Variants in BOC observed in about 807,000 individuals in gnomAD.
BOC encodes the protein brother of CDO.
BOC carries 76 observed loss-of-function variants against 112.0 expected under a neutral mutation model. That is an observed-to-expected ratio of 0.68 (90% confidence interval 0.56 to 0.82). The LOEUF is 0.82. BOC is among the 40% of genes least tolerant of loss of function. The probability of loss-of-function intolerance (pLI) is 0.00; values close to 1 mark genes in which losing one functional copy is unlikely to be tolerated. For missense variants in BOC, 1,309 were observed against 1,511.7 expected (o/e 0.87, Z 2.22); for synonymous variants, 580 against 599.8 (o/e 0.97, Z 0.48).
At chr3:113,248,988 C>T (rs983855612) in intron 2 of BOC, among the ~76,000 whole-genome samples, 5 of 151,980 alleles carry the variant, frequency 3.3e-5, no homozygotes, top group African/African-American at 1.2e-4. Flanking sequence ...GTGAGTGAAG[C>T]GAAAACAAGG....
chr3:113,267,050 T>A (rs1481860938), intron 4 of BOC, among the ~76,000 whole-genome samples: 2 of 152,204 alleles, frequency 1.3e-5, no homozygotes, highest in African/African-American at 4.8e-5. Context: ...GAAATTGCAG[T>A]CAGTCCCAAT....
chr3:113,285,584 G>C lies in BOC; in HGVS notation c.3160+19G>C, dbSNP rs771284621. 1.9e-6 allele frequency: 3 copies of C among 1,547,726 alleles called. No individual in the cohort carries two copies. The highest frequency in any genetic ancestry group is 2.6e-6 in the Non-Finnish European group (3 of 1,146,446). ...CACTCAGGTTGGTTCCAGGAGCAGG[G>C]CAGGGAAATTAAACAGGCTGGGGGT... is the stretch of plus-strand genomic sequence containing the variant. On this transcript the variant is annotated intron_variant, in intron 19 of 19. Transcript: ENST00000682979.
At chr3:113,234,037 G>A (rs1409414512) in intron 2 of BOC, among the ~76,000 whole-genome samples, 2 of 152,216 alleles carry the variant, frequency 1.3e-5, no homozygotes, top group African/African-American at 4.8e-5. Context: ...GACCTTAGAG[G>A]TAGGAGGTCT....
At chr3:113,222,375 G>T (rs1940859959) in intron 2 of BOC, among the ~76,000 whole-genome samples, 1 of 152,086 alleles carries the variant, frequency 6.6e-6, no homozygotes, top group Non-Finnish European at 1.5e-5. Flanking sequence ...ATTACATATA[G>T]ATTTATGTAA....
chr3:113,232,201 G>T (rs556053737), intron 2 of BOC, among the ~76,000 whole-genome samples: 1 of 152,278 alleles, frequency 6.6e-6, no homozygotes, highest in South Asian at 2.1e-4. Flanking sequence ...AAGGCTCCAT[G>T]TGTTTGTTTT....
At position 113,241,706 on chromosome 3, in the gene BOC, G is replaced by A. The variant is rs567333219; in HGVS notation, c.-81-8016G>A. Among the ~76,000 whole-genome samples the A allele has an allele frequency of 3.9e-5, 6 of 152,336 alleles. No individual in the cohort carries two copies. In the South Asian group the frequency reaches 1.2e-3, roughly 32 times the overall value. ...TATGGACTCTATTAAGCTCCGTTCT[G>A]CCTGTTAGTGTTTCCCGGGGCAACA... is the stretch of plus-strand genomic sequence containing the variant. On this transcript the variant is annotated intron_variant, in intron 2 of 19. Transcript: ENST00000682979.
At chr3:113,213,006 C>T (rs909789895) in intron 1 of BOC, among the ~76,000 whole-genome samples, 1 of 152,078 alleles carries the variant, frequency 6.6e-6, no homozygotes, top group Non-Finnish European at 1.5e-5. Flanking sequence ...AATGGAGCCT[C>T]GGGGATTTGT....
intron 16 of BOC, 49 bp downstream of exon 16, chr3:113,283,681 G>A: frequency 1.3e-6 from 2 of 1,546,592 alleles, no homozygotes; most frequent in South Asian, 2.3e-5. Flanking sequence ...GGAAATGGGG[G>A]CTCCACTAAG....
At chr3:113,271,220 G>T (rs1228317277) in intron 6 of BOC, 2 of 615,286 alleles carry the variant, frequency 3.3e-6, no homozygotes, top group South Asian at 3.0e-5. Flanking sequence ...TTGCGATTGG[G>T]ATGGGTCAGA....
At chr3:113,276,869 G>A (rs577130146) in intron 9 of BOC, among the ~76,000 whole-genome samples, 4 of 152,302 alleles carry the variant, frequency 2.6e-5, no homozygotes, top group Admixed American at 1.3e-4. Context: ...TGCTCAGAGA[G>A]AAGAGCTTTT....
chr3:113,216,261 C>T lies in BOC; in HGVS notation c.-95C>T, dbSNP rs1162823775. 3.1e-5 allele frequency: 14 copies of T among 456,034 alleles called. No individual in the cohort carries two copies. Among genetic ancestry groups the T allele is most frequent in the East Asian group, 6.9e-5 (1 of 14,402 alleles). The allele number at this position is 456,034 out of a possible 1,614,324, so 28.2% of individuals were successfully genotyped here. On this transcript the variant is annotated 5_prime_UTR_variant, in exon 2 of 20. An upstream open reading frame in the 5' UTR gains an earlier in-frame stop. Transcript: ENST00000682979. ...TTTATACCGTCTGAGGGTAGCAGCT[C>T]GAAAGTAGAAGAAGTGGGTGAGGTT...
At chr3:113,246,934 A>G (rs1482523381) in intron 2 of BOC, among the ~76,000 whole-genome samples, 1 of 152,028 alleles carries the variant, frequency 6.6e-6, no homozygotes, top group Non-Finnish European at 1.5e-5. Context: ...GAACCTTATA[A>G]ATTACCGAGG....
rs1948027007 is a variant in BOC, at chr3:113,270,788, GC to G, written c.524-10del. On this transcript the variant is annotated splice_polypyrimidine_tract_variant and intron_variant, in intron 5 of 19. Coordinates refer to ENST00000682979, the MANE Select transcript of BOC (RefSeq NM_001378074.1). Reference sequence around the variant, plus strand: ...ACCCATCCCATCTTCCCCTGGCCCTGCCCTTTCCACAGGTAACTACCTGATC... The same window carrying G: ...ACCCATCCCATCTTCCCCTGGCCCTGCCTTTCCACAGGTAACTACCTGATC... 6.2e-7 allele frequency: 1 copy of G among 1,601,606 alleles called. No individual in the cohort carries two copies. The highest frequency in any genetic ancestry group is 2.2e-5 in the East Asian group (1 of 44,786).
chr3:113,286,634 T>C, intron 19 of BOC, 41 bp from the exon 20 acceptor site: 1 of 1,476,268 alleles, frequency 6.8e-7, no homozygotes, highest in African/African-American at 1.4e-5. Flanking sequence ...GGCTCCTCGG[T>C]CAATCTGGAT....
chr3:113,236,272 A>G (rs1350937807), intron 2 of BOC, among the ~76,000 whole-genome samples: 6 of 93,794 alleles, frequency 6.4e-5, no homozygotes, highest in Non-Finnish European at 1.0e-4. Context: ...GTGTGTATAT[A>G]TACCCATGGG....
At position 113,274,306 on chromosome 3, in the gene BOC, C is replaced by T; in HGVS notation, c.1235-69C>T. On this transcript the variant is annotated intron_variant, in intron 8 of 19. Coordinates refer to ENST00000682979, the MANE Select transcript of BOC (RefSeq NM_001378074.1). This position sits in a 1 kb window ranked among gnomAD's most constrained non-coding sequence, Gnocchi z 4.8. ...TCTCTGTCTTCTTTCTGTTTTCTCC[C>T]CAGGAACAACAGCTCAGCAGGTAAA... 3 of 1,423,726 alleles carry T rather than the reference C, an allele frequency of 2.1e-6. No individual in the cohort carries two copies. In the South Asian group the frequency reaches 4.5e-5, roughly 22 times the overall value. 88.2% of individuals were successfully genotyped at this position (1,423,726 alleles called of 1,614,324 possible).
At chr3:113,258,091 T>G (rs1946426528) in intron 4 of BOC, among the ~76,000 whole-genome samples, 1 of 152,210 alleles carries the variant, frequency 6.6e-6, no homozygotes, top group Admixed American at 6.5e-5. Context: ...CAAGGATTCA[T>G]TTCCATTTCA....
rs552953065 is a variant in BOC at position 113,242,441 on chromosome 3, G to A, written c.-81-7281G>A. 9.2e-5 allele frequency among the ~76,000 whole-genome samples: 14 copies of A among 152,270 alleles called. No individual in the cohort carries two copies. The South Asian group carries it at 1.7e-3, about 18-fold the overall frequency. On this transcript the variant is annotated intron_variant, in intron 2 of 19. Transcript: ENST00000682979. ...TGCTGGAGCAGGGAGAGGATTAGACGTGTTTTAGCAGAAGCTCTGTGGGCA... is the reference window on the plus strand; with the variant it reads ...TGCTGGAGCAGGGAGAGGATTAGACATGTTTTAGCAGAAGCTCTGTGGGCA...
chr3:113,254,416 G>C (rs1179324290), intron 4 of BOC, among the ~76,000 whole-genome samples: 1 of 152,158 alleles, frequency 6.6e-6, no homozygotes, highest in Non-Finnish European at 1.5e-5. Flanking sequence ...AGGTGGGTGG[G>C]GGCAAGTGAA....
Sources: allele counts gnomAD v4.1 joint callset (sites outside exome capture counted in the v4.1 genomes callset), GRCh38; gene constraint gnomAD v4.1.1; non-coding constraint Gnocchi (gnomAD v3.1); transcripts MANE v1.5; gene names NCBI Gene and HGNC (gene_info 2026-07-23, HGNC 2026-07-21).